The following ANKFY1 variants were observed in gnomAD, a reference collection of about 807,000 sequenced individuals.
ANKFY1 encodes ankyrin repeat and FYVE domain containing 1, also known as ankyrin repeat and FYVE domain-containing protein 1.
Under a neutral mutation model 128.3 loss-of-function variants are expected in ANKFY1, and 47 were observed. The ratio of observed to expected loss-of-function variants is 0.37; its 90% confidence interval spans 0.29 to 0.47. The LOEUF (loss-of-function observed/expected upper bound fraction) is 0.47, where lower values mean the gene tolerates loss of function less well. Among genes scored for constraint, ANKFY1 ranks in the 20% least tolerant of loss-of-function variants. The pLI is 1.00. For synonymous variants in ANKFY1, 553 were observed against 601.6 expected (o/e 0.92, Z 1.18); for missense variants, 1,222 against 1,510.6 (o/e 0.81, Z 3.17).
At chr17:4,245,191 T>A (rs1441054289) in intron 1 of ANKFY1, among the ~76,000 whole-genome samples, 2 of 152,122 alleles carry the variant, frequency 1.3e-5, no homozygotes, top group Non-Finnish European at 2.9e-5. Flanking sequence ...CAATCTTTTC[T>A]TTTTCTTTTT....
At chr17:4,232,128 A>G (rs1298661018) in intron 3 of ANKFY1, among the ~76,000 whole-genome samples, 2 of 152,218 alleles carry the variant, frequency 1.3e-5, no homozygotes, top group Non-Finnish European at 2.9e-5. Context: ...TAATGTTGAA[A>G]AAACAAAACA....
At chr17:4,171,188 C>A (rs2059313608) in intron 22 of ANKFY1, among the ~76,000 whole-genome samples, 1 of 152,250 alleles carries the variant, frequency 6.6e-6, no homozygotes, top group Admixed American at 6.5e-5. Context: ...GAATCATCTA[C>A]TGTGGTCTCA....
At position 4,184,883 on chromosome 17, in the gene ANKFY1, G is replaced by A. The variant is rs766682607; in HGVS notation, c.1634C>T (p.Thr545Met). The part of the protein sequence containing the change: ...TSLADSVHLQ[T>M]PLHMAIAYNH... The stretch of plus-strand genomic sequence containing the variant: ...ATAGGCGATCGCCATGTGCAGTGGC[G>A]TCTGCAGATGGACGCTGTCCGCCAA... Residue 545 changes from threonine to methionine, a missense_variant, in exon 12 of 25, where the codon ACG becomes ATG. By Grantham distance (81) the Thr-to-Met change is moderately conservative. Transcript: ENST00000341657. 7.4e-6 allele frequency: 12 copies of A among 1,613,904 alleles called. No individual in the cohort carries two copies. Among genetic ancestry groups the A allele is most frequent in the East Asian group, 2.2e-5 (1 of 44,896 alleles).
At chr17:4,177,392 G>A (rs1339084426) in intron 18 of ANKFY1, 90 bp from the exon 19 acceptor site, 1 of 1,208,710 alleles carries the variant, frequency 8.3e-7, no homozygotes, top group East Asian at 2.6e-5. Context: ...CACTGGAGAG[G>A]TCACGATGGA....
chr17:4,210,702 C>CT (rs1159592176), intron 4 of ANKFY1, among the ~76,000 whole-genome samples: 2 of 54,174 alleles, frequency 3.7e-5, no homozygotes, highest in East Asian at 1.3e-3. Context: ...AGGCAAAACT[C>CT]TGTCGCAAAA....
At chr17:4,225,743 C>T (rs1214253373) in intron 3 of ANKFY1, among the ~76,000 whole-genome samples, 4 of 151,996 alleles carry the variant, frequency 2.6e-5, no homozygotes, top group Admixed American at 6.6e-5. Flanking sequence ...CCTATGGCTT[C>T]GGTGTGTGTG....
intron 11 of ANKFY1, chr17:4,187,115 C>T: frequency 1.2e-6 from 1 of 849,750 alleles, no homozygotes. Context: ...GCAGTGTACA[C>T]TGTACCCAGT....
At chr17:4,258,035 GA>G (rs1968212655) in intron 1 of ANKFY1, among the ~76,000 whole-genome samples, 1 of 152,154 alleles carries the variant, frequency 6.6e-6, no homozygotes, top group African/African-American at 2.4e-5. Context: ...ACCACTAATG[GA>G]TAAATTTTAT....
At chr17:4,217,810 C>A (rs896743329) in intron 3 of ANKFY1, among the ~76,000 whole-genome samples, 4 of 152,008 alleles carry the variant, frequency 2.6e-5, no homozygotes, top group Non-Finnish European at 4.4e-5. Flanking sequence ...CTCAGCCTCC[C>A]GAGTAGCTGG....
intron 7 of ANKFY1, among the ~76,000 whole-genome samples, chr17:4,204,180 C>T (rs1176475797): frequency 1.3e-5 from 2 of 152,202 alleles, no homozygotes; most frequent in East Asian, 3.8e-4. Flanking sequence ...GAAAAAAACT[C>T]CTACAGGAAC....
chr17:4,257,144 C>T (rs1968172498), intron 1 of ANKFY1, among the ~76,000 whole-genome samples: 1 of 152,204 alleles, frequency 6.6e-6, no homozygotes, highest in South Asian at 2.1e-4. Context: ...CTTGAGTCAT[C>T]TTTGATTCTC....
chr17:4,194,921 C>A, intron 10 of ANKFY1, 57 bp downstream of exon 10: 1 of 1,572,882 alleles, frequency 6.4e-7, no homozygotes, highest in East Asian at 2.2e-5. Flanking sequence ...CATTTACATG[C>A]CATTTCCTGG....
rs2059280171 is a variant in ANKFY1, at chr17:4,169,731, G to A, written c.3287-443C>T. The stretch of plus-strand genomic sequence containing the variant: ...TGAGCGGGAGCAGGCAGAAGACACG[G>A]GTGATTTCCAGGCTTCCGGAGAGTG... On this transcript the variant is annotated intron_variant, in intron 23 of 24. Coordinates refer to ENST00000341657, the MANE Select transcript of ANKFY1 (RefSeq NM_001330063.2). This position sits in a 1 kb window ranked among gnomAD's most constrained non-coding sequence, Gnocchi z 5.0. Among the ~76,000 whole-genome samples the A allele has an allele frequency of 6.6e-6, 1 of 152,186 alleles. No homozygotes were observed. The highest frequency in any genetic ancestry group is 1.5e-5 in the Non-Finnish European group (1 of 68,030).
At chr17:4,223,553 A>G in intron 3 of ANKFY1, 2 of 1,233,222 alleles carry the variant, frequency 1.6e-6, no homozygotes, top group Non-Finnish European at 2.4e-6. Context: ...AGTCTGGTTA[A>G]TAACGAGTTT....
chr17:4,249,104 T>C (rs747071127), intron 1 of ANKFY1: 11 of 984,612 alleles, frequency 1.1e-5, no homozygotes, highest in Non-Finnish European at 1.3e-5. Context: ...TCAGAAGTTA[T>C]ATGGCACAGT....
At chr17:4,254,090 G>A (rs1967986087) in intron 1 of ANKFY1, among the ~76,000 whole-genome samples, 1 of 152,070 alleles carries the variant, frequency 6.6e-6, no homozygotes, top group African/African-American at 2.4e-5. Flanking sequence ...CAGATCACGA[G>A]GTCAGGAGAT....
chr17:4,195,457 A>T lies in ANKFY1; in HGVS notation c.1118T>A (p.Val373Glu), dbSNP rs749002322. The T allele has an allele frequency of 1.2e-6, 2 of 1,614,038 alleles. No individual in the cohort carries two copies. The highest frequency in any genetic ancestry group is 1.7e-6 in the Non-Finnish European group (2 of 1,179,918). ...ATATTCATTCCCGGCCATGATGGAC[A>T]CATGTAAAGGAGTCCTGCGGGATCC... ...QDSKGRTPLH[V>E]SIMAGNEYVF... The change falls in exon 9 of 25, where the codon GTG becomes GAG. Residue 373 changes from valine (V) to glutamate (E), a missense_variant. Val to Glu is a moderately radical substitution (Grantham distance 121, BLOSUM62 -2). Coordinates refer to ENST00000341657, the MANE Select transcript of ANKFY1 (RefSeq NM_001330063.2).
rs1034286895 is a variant in ANKFY1, at chr17:4,256,199, C to T, written c.10+7733G>A. 4.6e-5 allele frequency among the ~76,000 whole-genome samples: 7 copies of T among 152,104 alleles called. No homozygotes were observed. In the South Asian group the frequency reaches 1.0e-3, roughly 23 times the overall value. ...ATCCCAGCACTTTGGGAGGCCAAGG[C>T]GGGCGGATTACGAACTGAGGAGATC... On this transcript the variant is annotated intron_variant, in intron 1 of 24. Coordinates refer to ENST00000341657, the MANE Select transcript of ANKFY1 (RefSeq NM_001330063.2).
chr17:4,232,048 A>G (rs574513644), intron 3 of ANKFY1, among the ~76,000 whole-genome samples: 1 of 152,246 alleles, frequency 6.6e-6, no homozygotes, highest in South Asian at 2.1e-4. Flanking sequence ...CAAGAATTTA[A>G]TTTTGTACAC....
Sources: allele counts gnomAD v4.1 joint callset (sites outside exome capture counted in the v4.1 genomes callset), GRCh38; gene constraint gnomAD v4.1.1; non-coding constraint Gnocchi (gnomAD v3.1); transcripts MANE v1.5; gene names NCBI Gene and HGNC (gene_info 2026-07-23, HGNC 2026-07-21).